Variants in KDM4B observed in about 807,000 individuals in gnomAD.
KDM4B encodes lysine-specific demethylase 4B.
KDM4B carries 32 observed loss-of-function variants against 125.2 expected under a neutral mutation model. That is an observed-to-expected ratio of 0.26 (90% confidence interval 0.19 to 0.34). The LOEUF (loss-of-function observed/expected upper bound fraction) is 0.34. KDM4B is among the 10% of genes least tolerant of loss of function. The pLI is 1.00. For missense variants in KDM4B, 1,190 were observed against 1,577.7 expected, an observed-to-expected ratio of 0.75 and a Z score of 4.16; for synonymous variants, 721 against 677.9, an observed-to-expected ratio of 1.06 and a Z score of -0.99.
intron 1 of KDM4B, among the ~76,000 whole-genome samples, chr19:5,008,938 C>CA (rs2035648126): frequency 9.1e-6 from 1 of 110,170 alleles, no homozygotes; most frequent in Admixed American, 1.2e-4. Context: ...TTTTTAAAGA[C>CA]AGAGTTTCGC....
At chr19:5,133,103 G>GGCACC (rs888684306) in intron 13 of KDM4B, among the ~76,000 whole-genome samples, 1 of 152,198 alleles carries the variant, frequency 6.6e-6, no homozygotes, top group Non-Finnish European at 1.5e-5. Context: ...CACAGGAGTG[G>GGCACC]GCACCCCACT....
chr19:5,004,396 G>A (rs1363045149), intron 1 of KDM4B, among the ~76,000 whole-genome samples: 6 of 152,086 alleles, frequency 3.9e-5, no homozygotes, highest in Admixed American at 1.3e-4. Flanking sequence ...CGCGCATCCC[G>A]CCAGCTCCTT....
chr19:5,095,296 G>C (rs2038798373), intron 9 of KDM4B, among the ~76,000 whole-genome samples: 1 of 152,186 alleles, frequency 6.6e-6, no homozygotes. Context: ...ATGCTATTTG[G>C]GTTGATGATT....
At chr19:5,111,379 C>A in intron 10 of KDM4B, 1 of 764,660 alleles carries the variant, frequency 1.3e-6, no homozygotes. Flanking sequence ...ACTCAGAACC[C>A]CTCCCTGCGT....
chr19:5,042,500 G>GA (rs536876348), intron 5 of KDM4B, among the ~76,000 whole-genome samples: 1,148 of 102,130 alleles, frequency 0.011, 14 homozygotes, highest in African/African-American at 0.032. Flanking sequence ...TACGTCACAA[G>GA]AAAAAAAAAA....
At chr19:5,109,337 C>T (rs1435899548) in intron 9 of KDM4B, among the ~76,000 whole-genome samples, 1 of 152,180 alleles carries the variant, frequency 6.6e-6, no homozygotes, top group Non-Finnish European at 1.5e-5. Context: ...GGGTTCATGC[C>T]CTCTGGGGCC....
chr19:5,091,038 A>G (rs2038690779), intron 9 of KDM4B, among the ~76,000 whole-genome samples: 1 of 152,200 alleles, frequency 6.6e-6, no homozygotes, highest in African/African-American at 2.4e-5. Flanking sequence ...GGCAGATCAA[A>G]AGGATGTTCC....
chr19:4,987,378 T>C (rs762997194), intron 1 of KDM4B, among the ~76,000 whole-genome samples: 1 of 152,150 alleles, frequency 6.6e-6, no homozygotes, highest in Non-Finnish European at 1.5e-5. Context: ...AAGGGGCTTA[T>C]CACAAGCTTG....
chr19:5,149,996 C>T (rs2039917938), intron 21 of KDM4B, among the ~76,000 whole-genome samples: 2 of 152,160 alleles, frequency 1.3e-5, no homozygotes, highest in South Asian at 4.1e-4. Flanking sequence ...GGCTCTGTGT[C>T]CACCAGTGAC....
chr19:5,118,075 T>A (rs532926329), intron 10 of KDM4B, among the ~76,000 whole-genome samples: 1 of 152,282 alleles, frequency 6.6e-6, no homozygotes, highest in East Asian at 1.9e-4. Flanking sequence ...CATGGGCTGC[T>A]GCTGGCCCAT....
rs1263734048 is a variant in KDM4B at position 5,152,673 on chromosome 19, A to T, written c.*1162A>T. 6.6e-6 allele frequency: 1 copy of T among 152,252 alleles called. No homozygotes were observed. The highest frequency in any genetic ancestry group is 1.5e-5 in the Non-Finnish European group (1 of 68,080). The allele number at this position is 152,252 out of a possible 1,614,324, so 9.4% of individuals were successfully genotyped here. ...TAGGAGTGGGTTGAGCTGATAGAGA[A>T]AAAACGGCCTTCAGCCCAGGCTGGG... On this transcript the variant is annotated 3_prime_UTR_variant, in exon 23 of 23. Transcript: ENST00000159111.
chr19:5,131,696 T>C (rs998601555), intron 12 of KDM4B, 151 bp downstream of exon 12: 1 of 639,230 alleles, frequency 1.6e-6, no homozygotes, highest in Admixed American at 3.2e-5. Context: ...CAGGGAACTG[T>C]GGCTCTTCTC....
intron 6 of KDM4B, among the ~76,000 whole-genome samples, chr19:5,052,165 C>T (rs768511903): frequency 4.6e-5 from 7 of 152,152 alleles, no homozygotes; most frequent in Non-Finnish European, 1.0e-4. Context: ...TTCAGCTACA[C>T]CTTGAGTTTT....
intron 11 of KDM4B, among the ~76,000 whole-genome samples, chr19:5,121,666 C>T (rs552180280): frequency 6.6e-6 from 1 of 152,174 alleles, no homozygotes; most frequent in East Asian, 1.9e-4. Context: ...AATTAAGAGA[C>T]TTTTTTTGGA....
intron 2 of KDM4B, among the ~76,000 whole-genome samples, chr19:5,027,269 C>T (rs1335015409): frequency 6.6e-6 from 1 of 152,222 alleles, no homozygotes; most frequent in Non-Finnish European, 1.5e-5. Flanking sequence ...GGCGCCCACC[C>T]CAAATCACAG....
intron 21 of KDM4B, among the ~76,000 whole-genome samples, chr19:5,145,825 G>T (rs1460623526): frequency 6.6e-6 from 1 of 152,196 alleles, no homozygotes; most frequent in Non-Finnish European, 1.5e-5. Flanking sequence ...CGGCGGGTCA[G>T]TCGGTGACGT....
chr19:5,091,565 G>A (rs1315223631), intron 9 of KDM4B, among the ~76,000 whole-genome samples: 2 of 152,146 alleles, frequency 1.3e-5, no homozygotes, highest in African/African-American at 2.4e-5. Flanking sequence ...CAGGAACCAG[G>A]CCTCTCCTAA....
chr19:5,112,250 C>T, intron 10 of KDM4B: 1 of 168,042 alleles, frequency 6.0e-6, no homozygotes, highest in Non-Finnish European at 1.3e-5. Context: ...AAGACCTTGT[C>T]TCTCCAGGAA....
chr19:5,111,495 G>A (rs752810808), intron 10 of KDM4B: 4 of 765,246 alleles, frequency 5.2e-6, no homozygotes, highest in Non-Finnish European at 7.2e-6. Flanking sequence ...ATGGGGACAC[G>A]GAGGCAGGTC....
Sources: allele counts gnomAD v4.1 joint callset (sites outside exome capture counted in the v4.1 genomes callset), GRCh38; gene constraint gnomAD v4.1.1; transcripts MANE v1.5; gene names NCBI Gene and HGNC (gene_info 2026-07-23, HGNC 2026-07-21).